PWWP3A: variants seen among roughly 807,000 people sequenced by gnomAD.
The protein encoded by PWWP3A is PWWP domain-containing DNA repair factor 3A.
PWWP3A carries 53 observed loss-of-function variants against 79.0 expected under a neutral mutation model. That is an observed-to-expected ratio of 0.67 (90% CI 0.54 to 0.84). The LOEUF (loss-of-function observed/expected upper bound fraction) is 0.84. Ranked by LOEUF, PWWP3A falls within the 40% of genes least tolerant of loss-of-function variation. The probability of loss-of-function intolerance (pLI) is 0.00; values close to 1 mark genes in which losing one functional copy is unlikely to be tolerated. For synonymous variants in PWWP3A, 443 were observed against 394.4 expected, an observed-to-expected ratio of 1.12 and a Z score of -1.46; for missense variants, 973 against 948.0, an observed-to-expected ratio of 1.03 and a Z score of -0.35.
chr19:1,370,313 G>A (rs577345068), intron 11 of PWWP3A, among the ~76,000 whole-genome samples: 1 of 152,344 alleles, frequency 6.6e-6, no homozygotes, highest in African/African-American at 2.4e-5. Flanking sequence ...TTTATCGACA[G>A]TAGTGGAGTT....
intron 7 of PWWP3A, 95 bp from the exon 8 acceptor site, chr19:1,366,206 TCAGC>T (rs1555771085): frequency 7.1e-6 from 7 of 984,404 alleles, no homozygotes; most frequent in Admixed American, 2.3e-5. Flanking sequence ...AGAGCTGGGG[TCAGC>T]GCCTGTTAGA....
intron 3 of PWWP3A, chr19:1,358,040 T>G: frequency 4.3e-6 from 1 of 234,418 alleles, no homozygotes; most frequent in Non-Finnish European, 8.2e-6. Context: ...CCTGCTGGGC[T>G]GTAAACAGCT....
At chr19:1,364,069 C>T (rs1278976743) in intron 6 of PWWP3A, 6 of 472,698 alleles carry the variant, frequency 1.3e-5, no homozygotes, top group Non-Finnish European at 2.6e-5. Flanking sequence ...TCCCAGAATC[C>T]TCTTTAGAAT....
At chr19:1,358,189 GAA>G (rs77499352) in intron 3 of PWWP3A, 2,393 of 390,360 alleles carry the variant, frequency 6.1e-3, no homozygotes, top group South Asian at 8.6e-3. Context: ...GTCTTAAAAG[GAA>G]AAAAAAAAAA....
At chr19:1,358,728 C>T (rs1367994291) in intron 4 of PWWP3A, 9 of 1,421,012 alleles carry the variant, frequency 6.3e-6, no homozygotes, top group East Asian at 2.8e-5. Flanking sequence ...CTCGTACCCC[C>T]GTGGCCTCCA....
At chr19:1,358,820 C>T in intron 4 of PWWP3A, 1 of 565,390 alleles carries the variant, frequency 1.8e-6, no homozygotes, top group South Asian at 1.5e-5. Context: ...GTAAGATTTG[C>T]TGTGGTACTG....
chr19:1,362,636 G>A (rs1457526338), intron 6 of PWWP3A, among the ~76,000 whole-genome samples: 4 of 152,240 alleles, frequency 2.6e-5, no homozygotes, highest in African/African-American at 9.6e-5. Flanking sequence ...TTGTCCTCCT[G>A]TCCCCTCGCG....
intron 12 of PWWP3A, chr19:1,371,529 ACACACAAATTAGACTGT>A: frequency 1.6e-6 from 1 of 631,460 alleles, no homozygotes; most frequent in African/African-American, 1.8e-5. Flanking sequence ...GGTAAGTTAA[ACACACAAATTAGACTGT>A]CTGTGATTTC....
At chr19:1,358,189 GAAA>G (rs77499352) in intron 3 of PWWP3A, 157 of 398,688 alleles carry the variant, frequency 3.9e-4, no homozygotes, top group South Asian at 7.2e-4. Context: ...GTCTTAAAAG[GAAA>G]AAAAAAAAAA....
At position 1,358,472 on chromosome 19, in the gene PWWP3A, C is replaced by T. The variant is rs373141013; in HGVS notation, c.214+8C>T. 127 of 1,613,364 alleles carry T rather than the reference C, an allele frequency of 7.9e-5. No homozygotes were observed. Among genetic ancestry groups the T allele is most frequent in the Middle Eastern group, 1.6e-4 (1 of 6,084 alleles). On this transcript the variant is annotated splice_region_variant and intron_variant, in intron 4 of 13. Transcript: ENST00000591337. Reference sequence around the variant, plus strand: ...CCATTGCTTCCTCGTTAGGTAAGAGCGTATTTTTAAGTGGCCACTAGGTTT... The same window carrying T: ...CCATTGCTTCCTCGTTAGGTAAGAGTGTATTTTTAAGTGGCCACTAGGTTT...
In PWWP3A at chr19:1,375,507, A is replaced by G. The variant is rs796166816; in HGVS notation, c.2076-1012A>G. 3.7e-4 allele frequency among the ~76,000 whole-genome samples: 47 copies of G among 126,030 alleles called. 1 individual carries two copies. The highest frequency in any genetic ancestry group is 5.6e-4 in the Non-Finnish European group (35 of 61,972). The allele number at this position is 126,030 out of a possible 152,430, so 82.7% of individuals were successfully genotyped here. On this transcript the variant is annotated intron_variant, in intron 13 of 13. Transcript: ENST00000591337. Reference sequence around the variant, plus strand: ...TATATAAAATATATAAATTTTATATATAATATATAAAATCATATAATTTAT... The same window carrying G: ...TATATAAAATATATAAATTTTATATGTAATATATAAAATCATATAATTTAT...
chr19:1,365,411 G>A (rs1456814962), intron 7 of PWWP3A, among the ~76,000 whole-genome samples: 1 of 152,230 alleles, frequency 6.6e-6, no homozygotes, highest in African/African-American at 2.4e-5. Flanking sequence ...ATCCTCCTAA[G>A]ACACAAACGC....
At chr19:1,371,134 G>A (rs2082248926) in intron 12 of PWWP3A, 56 bp downstream of exon 12, 2 of 1,537,896 alleles carry the variant, frequency 1.3e-6, no homozygotes, top group Non-Finnish European at 8.8e-7. Flanking sequence ...CTGGGATTTT[G>A]CAACTCCGCA....
intron 13 of PWWP3A, among the ~76,000 whole-genome samples, chr19:1,375,529 T>TATAAAA (rs1568965184): frequency 9.7e-5 from 11 of 113,470 alleles, no homozygotes; most frequent in African/African-American, 1.8e-4. Context: ...ATCATATAAT[T>TATAAAA]TATATATTTT....
In PWWP3A at chr19:1,360,253, G is replaced by GTA; in HGVS notation, c.332_333insTA (p.Thr112ArgfsTer119). ...ATTTGGAGTCAAGAAAGCTCTGCAG[G>GTA]GACAGGTAGAGCTGACCGGTCTCTG... On this transcript the variant is annotated frameshift_variant, in exon 5 of 14. Transcript: ENST00000591337. LOFTEE classifies it high-confidence loss of function. The surrounding 1 kb of genome is among the most constrained non-coding windows in gnomAD (Gnocchi z 4.4). The GTA allele has an allele frequency of 6.2e-7, 1 of 1,614,036 alleles. No homozygotes were observed. The highest frequency in any genetic ancestry group is 8.5e-7 in the Non-Finnish European group (1 of 1,179,974).
intron 9 of PWWP3A, among the ~76,000 whole-genome samples, chr19:1,367,816 G>C (rs2082161558): frequency 6.6e-6 from 1 of 152,224 alleles, no homozygotes; most frequent in Non-Finnish European, 1.5e-5. Flanking sequence ...TACTCATTTT[G>C]TTGTGGCGAC....
At chr19:1,367,813 T>C (rs2082161508) in intron 9 of PWWP3A, among the ~76,000 whole-genome samples, 1 of 152,242 alleles carries the variant, frequency 6.6e-6, no homozygotes, top group African/African-American at 2.4e-5. Context: ...AAATACTCAT[T>C]TTGTTGTGGC....
At chr19:1,363,275 A>G (rs192940005) in intron 6 of PWWP3A, among the ~76,000 whole-genome samples, 155 of 152,012 alleles carry the variant, frequency 1.0e-3, no homozygotes, top group African/African-American at 2.5e-3. Context: ...ACAGTCTCAC[A>G]TTTTCCCTTT....
At chr19:1,355,287 T>C (rs2081822439) in intron 1 of PWWP3A, among the ~76,000 whole-genome samples, 152 bp downstream of exon 1, 1 of 151,642 alleles carries the variant, frequency 6.6e-6, no homozygotes, top group Non-Finnish European at 1.5e-5. Flanking sequence ...CGGACCCCCT[T>C]TTCCGCCCCT....
Sources: allele counts gnomAD v4.1 joint callset (sites outside exome capture counted in the v4.1 genomes callset), GRCh38; gene constraint gnomAD v4.1.1; non-coding constraint Gnocchi (gnomAD v3.1); transcripts MANE v1.5; gene names NCBI Gene and HGNC (gene_info 2026-07-23, HGNC 2026-07-21).